Variants in VIT observed in about 807,000 individuals in gnomAD.
VIT encodes the protein vitrin.
Under a neutral mutation model 78.0 loss-of-function variants are expected in VIT, and 99 were observed. That is an observed-to-expected ratio of 1.27 (90% CI 1.08 to 1.50). The LOEUF is 1.50. VIT is among the 40% of genes most tolerant of loss of function. VIT has a pLI of 0.00. For synonymous variants in VIT, 374 were observed against 334.3 expected, an observed-to-expected ratio of 1.12 and a Z score of -1.29; for missense variants, 1,126 against 875.3, an observed-to-expected ratio of 1.29 and a Z score of -3.61.
chr2:36,736,135 T>TAGTGGTAGGTTTAGTCAGCATAAACCTA (rs1667497237), intron 3 of VIT, among the ~76,000 whole-genome samples: 3 of 152,150 alleles, frequency 2.0e-5, no homozygotes, highest in African/African-American at 7.2e-5. Flanking sequence ...AGAGGCACCT[T>TAGTGGTAGGTTTAGTCAGCATAAACCTA]AGTGGTAGGT....
Position 36,755,073 on chromosome 2 carries a change from G to A in VIT, c.409+19G>A. 6.2e-7 allele frequency: 1 copy of A among 1,610,378 alleles called. No homozygotes were observed. Among genetic ancestry groups the A allele is most frequent in the Admixed American group, 1.7e-5 (1 of 59,404 alleles). On this transcript the variant is annotated intron_variant, in intron 5 of 15. Coordinates refer to ENST00000379242, the MANE Select transcript of VIT (RefSeq NM_053276.4). ...GTCTTAGGTATGACCACACACTGGAGAAACGCTGCTAAACCTACCACAAGA... is the reference window on the plus strand; with the variant it reads ...GTCTTAGGTATGACCACACACTGGAAAAACGCTGCTAAACCTACCACAAGA...
chr2:36,697,187 G>C (rs62132513), intron 1 of VIT, among the ~76,000 whole-genome samples: 2 of 152,068 alleles, frequency 1.3e-5, no homozygotes, highest in Non-Finnish European at 2.9e-5. Flanking sequence ...AAACTGCATT[G>C]ATATTAATAT....
At chr2:36,793,464 A>C (rs1665647674) in intron 12 of VIT, among the ~76,000 whole-genome samples, 1 of 152,210 alleles carries the variant, frequency 6.6e-6, no homozygotes, top group African/African-American at 2.4e-5. Context: ...TGGGCTGGTC[A>C]TAGCTGCTCT....
chr2:36,699,582 G>C (rs1313183362), intron 1 of VIT, among the ~76,000 whole-genome samples: 1 of 74,996 alleles, frequency 1.3e-5, no homozygotes, highest in Non-Finnish European at 2.8e-5. Flanking sequence ...GATTAGAGGA[G>C]ATTATAGATA....
intron 1 of VIT, among the ~76,000 whole-genome samples, chr2:36,709,451 A>AG (rs1202072451): frequency 6.6e-6 from 1 of 152,240 alleles, no homozygotes; most frequent in Non-Finnish European, 1.5e-5. Context: ...AGCAAATGTT[A>AG]GTTATGATGC....
At chr2:36,754,011 C>G (rs1035579800) in intron 4 of VIT, among the ~76,000 whole-genome samples, 1 of 152,194 alleles carries the variant, frequency 6.6e-6, no homozygotes, top group Admixed American at 6.5e-5. Flanking sequence ...TTCCACTCCA[C>G]AACTCAGGTA....
chr2:36,758,858 T>C, intron 5 of VIT, 111 bp from the exon 6 acceptor site: 1 of 950,568 alleles, frequency 1.1e-6, no homozygotes, highest in East Asian at 2.4e-5. Context: ...GAGACTGATT[T>C]TATTGAACTG....
rs777757329 is a variant in VIT, at chr2:36,754,977, C to T, written c.332C>T (p.Ser111Phe). ...KILVRKVAGQ[S>F]GYKGSYSNGV... is the part of the protein sequence containing the mutation. The stretch of plus-strand genomic sequence containing the variant: ...CTTGTTCGGAAGGTTGCTGGACAGT[C>T]TGGTTACAAAGGGAGTTATTCCAAC... The change falls in exon 5 of 16, where the codon TCT (serine) becomes TTT (phenylalanine). Residue 111 changes from serine (S) to phenylalanine (F), a missense_variant. Physicochemically the swap from Ser to Phe is radical, Grantham distance 155 (BLOSUM62 -2). Coordinates refer to ENST00000379242, the MANE Select transcript of VIT (RefSeq NM_053276.4). The T allele has an allele frequency of 1.9e-6, 3 of 1,614,140 alleles. No homozygotes were observed. The South Asian group carries it at 3.3e-5, about 18-fold the overall frequency.
chr2:36,784,027 A>G (rs1664934288), intron 11 of VIT, among the ~76,000 whole-genome samples: 2 of 152,190 alleles, frequency 1.3e-5, no homozygotes, highest in African/African-American at 4.8e-5. Context: ...TTCGAAACCG[A>G]GGCTATGAGA....
At chr2:36,730,524 G>A (rs1222444534) in intron 3 of VIT, among the ~76,000 whole-genome samples, 2 of 152,184 alleles carry the variant, frequency 1.3e-5, no homozygotes, top group Non-Finnish European at 2.9e-5. Flanking sequence ...AAGGGATGAA[G>A]AAGGGCACAT....
At chr2:36,721,136 T>C (rs1197267161) in intron 2 of VIT, among the ~76,000 whole-genome samples, 1 of 152,090 alleles carries the variant, frequency 6.6e-6, no homozygotes, top group Non-Finnish European at 1.5e-5. Flanking sequence ...GAGAGTAGAG[T>C]TAAAATGTAC....
chr2:36,775,712 C>T (rs982303859), intron 9 of VIT, among the ~76,000 whole-genome samples: 1 of 152,146 alleles, frequency 6.6e-6, no homozygotes, highest in African/African-American at 2.4e-5. Flanking sequence ...TCTGCTGCTT[C>T]TCTCCTCACC....
At chr2:36,797,154 G>A (rs1164607153) in intron 12 of VIT, among the ~76,000 whole-genome samples, 1 of 150,618 alleles carries the variant, frequency 6.6e-6, no homozygotes, top group African/African-American at 2.4e-5. Context: ...ACTAGAGGAA[G>A]ATCCAGACTT....
At chr2:36,763,559 A>C (rs1669245854) in intron 6 of VIT, among the ~76,000 whole-genome samples, 1 of 145,304 alleles carries the variant, frequency 6.9e-6, no homozygotes, top group Non-Finnish European at 1.5e-5. Flanking sequence ...TTGGGATAGG[A>C]GGAGTAATTT....
chr2:36,715,650 A>T (rs1666082732), intron 1 of VIT, among the ~76,000 whole-genome samples: 1 of 152,190 alleles, frequency 6.6e-6, no homozygotes, highest in South Asian at 2.1e-4. Flanking sequence ...AATTAACTAG[A>T]CCCAAAGCCA....
intron 2 of VIT, among the ~76,000 whole-genome samples, chr2:36,721,259 T>TA (rs1234254351): frequency 6.6e-6 from 1 of 152,122 alleles, no homozygotes; most frequent in Non-Finnish European, 1.5e-5. Context: ...TATAGACAAT[T>TA]TTTATTTGTC....
chr2:36,795,235 C>T (rs1665789944), intron 12 of VIT, among the ~76,000 whole-genome samples: 2 of 151,968 alleles, frequency 1.3e-5, no homozygotes, highest in South Asian at 4.2e-4. Context: ...CTTGTAATTC[C>T]AGGAACTTTT....
intron 12 of VIT, among the ~76,000 whole-genome samples, chr2:36,796,874 C>A (rs951698408): frequency 6.6e-6 from 1 of 152,084 alleles, no homozygotes; most frequent in Non-Finnish European, 1.5e-5. Flanking sequence ...TCACCAGACA[C>A]CCTCAGGAAA....
intron 1 of VIT, among the ~76,000 whole-genome samples, chr2:36,698,787 T>A (rs1277247710): frequency 6.6e-6 from 1 of 151,652 alleles, no homozygotes; most frequent in Non-Finnish European, 1.5e-5. Context: ...CTACCAAAAA[T>A]ACAAAAATTA....
Sources: allele counts gnomAD v4.1 joint callset (sites outside exome capture counted in the v4.1 genomes callset), GRCh38; gene constraint gnomAD v4.1.1; transcripts MANE v1.5; gene names NCBI Gene and HGNC (gene_info 2026-07-23, HGNC 2026-07-21).